FER: variants seen among roughly 807,000 people sequenced by gnomAD.
The protein encoded by FER is tyrosine-protein kinase Fer.
Under a neutral mutation model 111.0 loss-of-function variants are expected in FER, and 63 were observed. The ratio of observed to expected loss-of-function variants is 0.57; its 90% CI spans 0.46 to 0.70. FER has a LOEUF of 0.70. Among genes scored for constraint, FER ranks in the 30% least tolerant of loss-of-function variants. The probability of loss-of-function intolerance (pLI) is 0.00; values close to 1 mark genes in which losing one functional copy is unlikely to be tolerated. For missense variants in FER, 914 were observed against 954.0 expected (o/e 0.96, Z 0.55); for synonymous variants, 327 against 313.9 (o/e 1.04, Z -0.44).
At chr5:108,961,121 G>A (rs541767748) in intron 13 of FER, among the ~76,000 whole-genome samples, 4 of 152,264 alleles carry the variant, frequency 2.6e-5, no homozygotes, top group Non-Finnish European at 4.4e-5. Context: ...AATTATTCAT[G>A]TGGAAGTATG....
intron 13 of FER, among the ~76,000 whole-genome samples, chr5:109,026,505 A>G (rs914023479): frequency 1.3e-5 from 2 of 152,122 alleles, no homozygotes; most frequent in African/African-American, 4.8e-5. Flanking sequence ...TTCTTGGATT[A>G]TAAAAAGGTT....
chr5:109,171,884 T>C (rs750040109), intron 17 of FER, among the ~76,000 whole-genome samples: 3 of 152,174 alleles, frequency 2.0e-5, no homozygotes, highest in South Asian at 2.1e-4. Context: ...AAATTTGATA[T>C]GTTCATCATC....
chr5:109,080,187 G>A (rs1013639627), intron 16 of FER, among the ~76,000 whole-genome samples: 1 of 152,026 alleles, frequency 6.6e-6, no homozygotes, highest in Admixed American at 6.6e-5. Context: ...AATAATCTGT[G>A]ATAACTTGAA....
chr5:108,873,747 A>C (rs1230063575), intron 8 of FER, among the ~76,000 whole-genome samples: 1 of 152,150 alleles, frequency 6.6e-6, no homozygotes, highest in Non-Finnish European at 1.5e-5. Flanking sequence ...GGGTGATTTT[A>C]TACTCCAGGG....
At chr5:108,968,323 G>T (rs1036540241) in intron 13 of FER, among the ~76,000 whole-genome samples, 1 of 152,098 alleles carries the variant, frequency 6.6e-6, no homozygotes. Context: ...GGAGGCGGAG[G>T]TTGCAGTGAG....
chr5:109,127,871 G>C (rs17450497), intron 17 of FER, among the ~76,000 whole-genome samples: 15,948 of 152,018 alleles, frequency 0.1, 847 homozygotes, highest in Non-Finnish European at 0.12. Flanking sequence ...TATGTGTTCT[G>C]TAATTAAAAG....
At chr5:109,053,615 G>A (rs1404375755) in intron 16 of FER, among the ~76,000 whole-genome samples, 1 of 150,634 alleles carries the variant, frequency 6.6e-6, no homozygotes, top group Non-Finnish European at 1.5e-5. Context: ...TTTCCACTAA[G>A]TATAATTATT....
intron 13 of FER, among the ~76,000 whole-genome samples, chr5:108,984,552 A>G (rs1434750189): frequency 2.0e-5 from 3 of 150,454 alleles, no homozygotes; most frequent in Non-Finnish European, 4.5e-5. Context: ...GAATAAGTAA[A>G]TGCCACGATA....
intron 10 of FER, among the ~76,000 whole-genome samples, chr5:108,918,941 G>A (rs1752647055): frequency 6.6e-6 from 1 of 152,208 alleles, no homozygotes. Context: ...TTTGAGGCTA[G>A]ATCTGTAAAA....
chr5:109,172,585 GTAAC>G (rs1241478868), intron 17 of FER, among the ~76,000 whole-genome samples: 2 of 151,166 alleles, frequency 1.3e-5, no homozygotes, highest in African/African-American at 2.4e-5. Flanking sequence ...GTATACATAT[GTAAC>G]TAACCTGCAC....
intron 13 of FER, among the ~76,000 whole-genome samples, chr5:109,001,585 G>A (rs1039578247): frequency 3.9e-5 from 6 of 152,180 alleles, no homozygotes; most frequent in Non-Finnish European, 8.8e-5. Flanking sequence ...AGACAGGGAT[G>A]CCCTCTCTCA....
chr5:108,973,203 T>A (rs1246411929), intron 13 of FER, among the ~76,000 whole-genome samples: 1 of 152,142 alleles, frequency 6.6e-6, no homozygotes, highest in Non-Finnish European at 1.5e-5. Context: ...ACATACTTGT[T>A]TTCACTTTAA....
chr5:108,908,720 CAA>C (rs534004723), intron 10 of FER, among the ~76,000 whole-genome samples: 26 of 69,582 alleles, frequency 3.7e-4, no homozygotes, highest in Admixed American at 6.9e-4. Context: ...GACTCCGTCT[CAA>C]AAAAAAAAAA....
chr5:108,922,056 C>T (rs1318728282), intron 10 of FER, among the ~76,000 whole-genome samples: 1 of 152,130 alleles, frequency 6.6e-6, no homozygotes, highest in Non-Finnish European at 1.5e-5. Flanking sequence ...ACAGGGAAGA[C>T]AGCCATGAGA....
At chr5:109,099,836 T>C (rs1748005935) in intron 16 of FER, among the ~76,000 whole-genome samples, 1 of 151,568 alleles carries the variant, frequency 6.6e-6, no homozygotes, top group South Asian at 2.1e-4. Context: ...AAATACATTC[T>C]GGGTCAGTGA....
chr5:108,780,547 T>G (rs1394751914), intron 2 of FER, among the ~76,000 whole-genome samples: 1 of 152,058 alleles, frequency 6.6e-6, no homozygotes, highest in African/African-American at 2.4e-5. Context: ...TTTTTCTTTA[T>G]CTTTTATTTT....
intron 16 of FER, among the ~76,000 whole-genome samples, chr5:109,078,711 C>T (rs1489412978): frequency 2.0e-5 from 3 of 152,014 alleles, no homozygotes; most frequent in Non-Finnish European, 4.4e-5. Context: ...TGGGTGTAGT[C>T]ACACATTAGG....
At position 108,871,445 on chromosome 5, in the gene FER, T is replaced by C. The variant is rs1319375681; in HGVS notation, c.746T>C (p.Met249Thr). 6.2e-7 allele frequency: 1 copy of C among 1,611,742 alleles called. No individual in the cohort carries two copies. The highest frequency in any genetic ancestry group is 1.7e-5 in the Admixed American group (1 of 59,956). The change falls in exon 7 of 20, where the codon ATG becomes ACG. Residue 249 changes from methionine (M) to threonine (T), a missense_variant. Coordinates refer to ENST00000281092, the MANE Select transcript of FER (RefSeq NM_005246.4). ...GTGAATGTCCATAAAGAGATTCAAA[T>C]GTCGGTTGAACAGATAGATCCTAGT... ...EIVNVHKEIQMSVEQIDPSTE... is the reference protein window; with the variant it reads ...EIVNVHKEIQTSVEQIDPSTE...
At chr5:109,166,124 A>G (rs899442508) in intron 17 of FER, among the ~76,000 whole-genome samples, 1 of 151,636 alleles carries the variant, frequency 6.6e-6, no homozygotes, top group Non-Finnish European at 1.5e-5. Flanking sequence ...CCTGCTAGCC[A>G]TGAGATTTTC....
Sources: allele counts gnomAD v4.1 joint callset (sites outside exome capture counted in the v4.1 genomes callset), GRCh38; gene constraint gnomAD v4.1.1; transcripts MANE v1.5; gene names NCBI Gene and HGNC (gene_info 2026-07-23, HGNC 2026-07-21).